The following AK7 variants were observed in gnomAD, a reference collection of about 807,000 sequenced individuals.
The protein encoded by AK7 is ATP-AMP transphosphorylase 7.
AK7 carries 78 observed loss-of-function variants against 96.6 expected under a neutral mutation model. The observed-to-expected ratio is 0.81, with a 90% CI of 0.67 to 0.97. AK7 has a LOEUF of 0.97. Ranked by LOEUF, AK7 falls within the 50% of genes least tolerant of loss-of-function variation. AK7 has a pLI of 0.00. For synonymous variants in AK7, 302 were observed against 317.2 expected, an observed-to-expected ratio of 0.95 and a Z score of 0.51; for missense variants, 855 against 887.9, an observed-to-expected ratio of 0.96 and a Z score of 0.47.
chr14:96,398,021 GC>G, intron 1 of AK7, 53 bp from the exon 2 acceptor site: 1 of 1,550,398 alleles, frequency 6.4e-7, no homozygotes. Flanking sequence ...TCATTCACTG[GC>G]CCCCTGACTC....
chr14:96,392,209 A>C lies in AK7; in HGVS notation c.55A>C (p.Arg19=). The C allele has an allele frequency of 1.2e-6, 2 of 1,613,772 alleles. No homozygotes were observed. The highest frequency in any genetic ancestry group is 1.7e-6 in the Non-Finnish European group (2 of 1,179,718). The part of the protein sequence containing the change: ...ALTEKVIRTQ[R]VFINLLDSYS... ...CACGGAGAAGGTTATCCGGACCCAG[A>C]GGGTGTTTATAAACCTGTTGGATTC... Residue 19 remains arginine (R), a synonymous_variant, in exon 1 of 18, where the codon AGG becomes CGG. Coordinates refer to ENST00000267584, the MANE Select transcript of AK7 (RefSeq NM_152327.5).
At chr14:96,412,733 T>A (rs78001820) in intron 4 of AK7, among the ~76,000 whole-genome samples, 50,964 of 150,654 alleles carry the variant, frequency 0.34, 8,921 homozygotes, top group Middle Eastern at 0.4. Flanking sequence ...TCCTGTCTAA[T>A]TTTTTGTATT....
chr14:96,456,186 G>A (rs776212485), intron 10 of AK7, among the ~76,000 whole-genome samples, 161 bp from the exon 11 acceptor site: 10 of 144,294 alleles, frequency 6.9e-5, no homozygotes, highest in Non-Finnish European at 1.2e-4. Context: ...TGCAGTAAGC[G>A]AGATCATGCC....
intron 12 of AK7, among the ~76,000 whole-genome samples, chr14:96,459,587 C>T (rs112247250): frequency 0.02 from 2,977 of 152,120 alleles, 99 homozygotes; most frequent in African/African-American, 0.068. Flanking sequence ...AGGCCGGGCA[C>T]GGTGGCTCAT....
At chr14:96,412,401 T>A (rs1415862597) in intron 4 of AK7, among the ~76,000 whole-genome samples, 2 of 150,880 alleles carry the variant, frequency 1.3e-5, no homozygotes, top group Admixed American at 6.6e-5. Context: ...CTAATTTTTG[T>A]ATTTTTAGTA....
rs193032888 is a variant in AK7, at chr14:96,452,562, G to A, written c.1098+992G>A. The stretch of plus-strand genomic sequence containing the variant: ...GCTGGTTTCAAACTCCTGGCCTCAA[G>A]CGATCCGCCTGCGTTGGCCTCCCAA... On this transcript the variant is annotated intron_variant, in intron 10 of 17. Coordinates refer to ENST00000267584, the MANE Select transcript of AK7 (RefSeq NM_152327.5). 2.0e-3 allele frequency among the ~76,000 whole-genome samples: 297 copies of A among 152,300 alleles called. 3 individuals carry two copies. The highest frequency in any genetic ancestry group is 0.011 in the Admixed American group (161 of 15,282).
Position 96,392,131 on chromosome 14 carries a change from T to C in AK7, c.-24T>C. 6.3e-7 allele frequency: 1 copy of C among 1,594,840 alleles called. No homozygotes were observed. Among genetic ancestry groups the C allele is most frequent in the Non-Finnish European group, 8.6e-7 (1 of 1,163,396 alleles). On this transcript the variant is annotated 5_prime_UTR_variant, in exon 1 of 18. Transcript: ENST00000267584. ...TTGGCAAGCGAGTGGCGCTTTCACC[T>C]TAGCAACCAGCGCGGCTCCCACCAT...
chr14:96,448,097 C>G (rs944209664), intron 8 of AK7, among the ~76,000 whole-genome samples: 2 of 148,396 alleles, frequency 1.3e-5, no homozygotes, highest in Non-Finnish European at 3.0e-5. Context: ...TCATTGCACA[C>G]TAGCCTGGGT....
At chr14:96,442,375 A>G (rs1893005791) in intron 6 of AK7, among the ~76,000 whole-genome samples, 1 of 152,226 alleles carries the variant, frequency 6.6e-6, no homozygotes, top group African/African-American at 2.4e-5. Context: ...TTTCTTCTCT[A>G]TGTGAATGCC....
In AK7 at chr14:96,456,420, A is replaced by G. The variant is rs1338243436; in HGVS notation, c.1172A>G (p.Tyr391Cys). The G allele has an allele frequency of 6.2e-7, 1 of 1,614,014 alleles. No homozygotes were observed. The highest frequency in any genetic ancestry group is 2.2e-5 in the East Asian group (1 of 44,872). Residue 391 changes from tyrosine (Y) to cysteine (C), a missense_variant, in exon 11 of 18, where the codon TAC (tyrosine) becomes TGC (cysteine). Coordinates refer to ENST00000267584, the MANE Select transcript of AK7 (RefSeq NM_152327.5). ...SSIAKELANY[Y>C]KLHHIQLKDV... ...ATTGCTAAAGAATTGGCCAACTACT[A>G]CAAACTGCATCACATCCAACTGAAG...
At position 96,445,804 on chromosome 14, in the gene AK7, C is replaced by T. The variant is rs149535450; in HGVS notation, c.780-713C>T. ...CTAAGATGGAGGTAGAATTGACAAG[C>T]CATTGTGATAGACATCTATTCACTG... is the stretch of plus-strand genomic sequence containing the variant. On this transcript the variant is annotated intron_variant, in intron 7 of 17. Coordinates refer to ENST00000267584, the MANE Select transcript of AK7 (RefSeq NM_152327.5). Among the ~76,000 whole-genome samples, 684 of 152,206 alleles carry T rather than the reference C, an allele frequency of 4.5e-3. 3 individuals carry two copies. Among genetic ancestry groups the T allele is most frequent in the Non-Finnish European group, 7.4e-3 (500 of 68,014 alleles).
chr14:96,424,871 T>G (rs1031469592), intron 5 of AK7, among the ~76,000 whole-genome samples: 3 of 152,206 alleles, frequency 2.0e-5, no homozygotes, highest in African/African-American at 7.2e-5. Flanking sequence ...TTATGTTTAA[T>G]TTACAGGTGG....
chr14:96,455,487 T>TACAAA (rs956070058), intron 10 of AK7, among the ~76,000 whole-genome samples: 23 of 152,094 alleles, frequency 1.5e-4, no homozygotes, highest in East Asian at 3.9e-4. Flanking sequence ...CCTATCTCAA[T>TACAAA]ACAAAACAAA....
intron 1 of AK7, among the ~76,000 whole-genome samples, chr14:96,396,914 C>T (rs1189384315): frequency 1.3e-5 from 2 of 152,122 alleles, no homozygotes; most frequent in African/African-American, 4.8e-5. Context: ...CAGCAATACC[C>T]CATTTCTACA....
At chr14:96,480,895 G>A (rs1432022658) in intron 15 of AK7, among the ~76,000 whole-genome samples, 1 of 152,210 alleles carries the variant, frequency 6.6e-6, no homozygotes, top group Non-Finnish European at 1.5e-5. Flanking sequence ...TCACAGCCAG[G>A]GATGCAGCCC....
intron 4 of AK7, among the ~76,000 whole-genome samples, chr14:96,412,936 GA>G (rs1891125362): frequency 6.6e-6 from 1 of 152,146 alleles, no homozygotes; most frequent in African/African-American, 2.4e-5. Context: ...TAATAGGTTG[GA>G]AAAAAATCAT....
At chr14:96,405,903 C>T (rs1890682693) in intron 3 of AK7, among the ~76,000 whole-genome samples, 1 of 152,160 alleles carries the variant, frequency 6.6e-6, no homozygotes, top group Non-Finnish European at 1.5e-5. Context: ...TCCTCCAAAG[C>T]AACCTCTTTT....
At chr14:96,478,942 TCA>T (rs1895351042) in intron 15 of AK7, among the ~76,000 whole-genome samples, 1 of 151,032 alleles carries the variant, frequency 6.6e-6, no homozygotes, top group African/African-American at 2.4e-5. Flanking sequence ...GGAGTCTCGC[TCA>T]GTTGCCCAAG....
intron 10 of AK7, among the ~76,000 whole-genome samples, chr14:96,454,327 A>G (rs1454447562): frequency 6.6e-6 from 1 of 152,224 alleles, no homozygotes; most frequent in Non-Finnish European, 1.5e-5. Context: ...TGAAATAAAT[A>G]ACTATATGTT....
Sources: gnomAD v4.1 joint callset for allele counts (sites outside exome capture counted in the v4.1 genomes callset) on GRCh38, gnomAD v4.1.1 for gene constraint, MANE v1.5 for transcripts, NCBI Gene and HGNC (gene_info 2026-07-23, HGNC 2026-07-21) for gene names.